CNTNAP2: variants seen among roughly 807,000 people sequenced by gnomAD.
The protein encoded by CNTNAP2 is contactin-associated protein-like 2.
Under a neutral mutation model 155.2 loss-of-function variants are expected in CNTNAP2, and 98 were observed. The ratio of observed to expected loss-of-function variants is 0.63; its 90% CI spans 0.54 to 0.75. The LOEUF is 0.75. CNTNAP2 is among the 30% of genes least tolerant of loss of function. The pLI, the probability that CNTNAP2 is intolerant of heterozygous loss-of-function variation, is 0.00. For synonymous variants in CNTNAP2, 651 were observed against 631.2 expected, an observed-to-expected ratio of 1.03 and a Z score of -0.47; for missense variants, 1,727 against 1,688.1, an observed-to-expected ratio of 1.02 and a Z score of -0.40.
intron 1 of CNTNAP2, among the ~76,000 whole-genome samples, chr7:146,756,296 C>T (rs1325720837): frequency 6.6e-6 from 1 of 151,860 alleles, no homozygotes; most frequent in Non-Finnish European, 1.5e-5. Context: ...GTAAAAGCAA[C>T]TAATACTGGC....
In CNTNAP2 at chr7:147,221,137, TA is replaced by T. The variant is rs34601254; in HGVS notation, c.1349-78995del. On this transcript the variant is annotated intron_variant, in intron 8 of 23. Transcript: ENST00000361727. ...CATGGGTAGTGTGAGTAACTTATAA[TA>T]AAAAAAAACTCTTAATTTCTTCCTC... Among the ~76,000 whole-genome samples the T allele has an allele frequency of 6.0e-5, 9 of 151,150 alleles. No homozygotes were observed. The East Asian group carries it at 1.5e-3, about 26-fold the overall frequency.
chr7:148,074,842 T>C (rs1158825969), intron 15 of CNTNAP2, among the ~76,000 whole-genome samples: 1 of 152,238 alleles, frequency 6.6e-6, no homozygotes, highest in Non-Finnish European at 1.5e-5. Context: ...TAGATGATGT[T>C]CTGCCATGAT....
chr7:146,619,852 G>A (rs912409268), intron 1 of CNTNAP2, among the ~76,000 whole-genome samples: 3 of 151,956 alleles, frequency 2.0e-5, no homozygotes, highest in Non-Finnish European at 2.9e-5. Flanking sequence ...TTGAGTATTC[G>A]AATACTATGT....
intron 13 of CNTNAP2, among the ~76,000 whole-genome samples, chr7:147,725,796 A>G (rs1175562471): frequency 1.3e-5 from 2 of 152,040 alleles, no homozygotes; most frequent in Non-Finnish European, 2.9e-5. Flanking sequence ...TGCTTCTACC[A>G]CAAACCAGTT....
intron 8 of CNTNAP2, among the ~76,000 whole-genome samples, chr7:147,186,146 T>C (rs1033447119): frequency 3.3e-5 from 5 of 152,152 alleles, no homozygotes; most frequent in Non-Finnish European, 7.4e-5. Context: ...GAATAGTTAT[T>C]CTGGGTGAAA....
intron 15 of CNTNAP2, among the ~76,000 whole-genome samples, chr7:148,067,324 G>C (rs1012926215): frequency 1.3e-4 from 20 of 152,172 alleles, no homozygotes; most frequent in African/African-American, 4.8e-4. Context: ...CCTTTCCCTA[G>C]GGATGGGGCT....
intron 1 of CNTNAP2, among the ~76,000 whole-genome samples, chr7:146,620,800 C>T (rs992491376): frequency 6.6e-6 from 1 of 152,088 alleles, no homozygotes; most frequent in Non-Finnish European, 1.5e-5. Context: ...TATGTGTGCT[C>T]ACCCCCTCCA....
chr7:146,375,641 G>T (rs1451731714), intron 1 of CNTNAP2, among the ~76,000 whole-genome samples: 2 of 151,940 alleles, frequency 1.3e-5, no homozygotes, highest in Non-Finnish European at 2.9e-5. Flanking sequence ...TGTGAGATTT[G>T]AGGCATGTTT....
At chr7:146,172,015 T>TA (rs1798398443) in intron 1 of CNTNAP2, among the ~76,000 whole-genome samples, 1 of 148,836 alleles carries the variant, frequency 6.7e-6, no homozygotes, top group Admixed American at 6.7e-5. Flanking sequence ...TACAAATTCT[T>TA]AAAAAATGCT....
At chr7:146,650,547 G>GT (rs1037419937) in intron 1 of CNTNAP2, among the ~76,000 whole-genome samples, 12 of 152,088 alleles carry the variant, frequency 7.9e-5, no homozygotes, top group African/African-American at 2.9e-4. Context: ...CTGTTGCGGG[G>GT]TGGGGGGCTA....
At chr7:147,976,584 T>C (rs989299512) in intron 14 of CNTNAP2, among the ~76,000 whole-genome samples, 1 of 152,208 alleles carries the variant, frequency 6.6e-6, no homozygotes, top group Non-Finnish European at 1.5e-5. Context: ...AGGCAGTATA[T>C]AATGCATTTA....
intron 13 of CNTNAP2, among the ~76,000 whole-genome samples, chr7:147,892,566 C>T (rs1471210449): frequency 2.0e-5 from 3 of 152,112 alleles, no homozygotes; most frequent in African/African-American, 7.2e-5. Context: ...CTCAGAATTA[C>T]AAACTCCCAT....
intron 4 of CNTNAP2, among the ~76,000 whole-genome samples, chr7:147,092,248 T>C (rs918922884): frequency 3.3e-5 from 5 of 152,310 alleles, no homozygotes; most frequent in South Asian, 2.1e-4. Flanking sequence ...CTCAAAAATG[T>C]TTTTCTAAAA....
intron 13 of CNTNAP2, among the ~76,000 whole-genome samples, chr7:147,860,282 G>A (rs1359108916): frequency 1.3e-5 from 2 of 152,086 alleles, no homozygotes; most frequent in African/African-American, 2.4e-5. Flanking sequence ...AAAATTAGCT[G>A]GGCACGGTGG....
At chr7:147,639,822 T>G (rs183804452) in intron 13 of CNTNAP2, among the ~76,000 whole-genome samples, 3 of 152,288 alleles carry the variant, frequency 2.0e-5, no homozygotes, top group Admixed American at 2.0e-4. Context: ...CATGTGCTAG[T>G]GTGTGTGTGA....
At chr7:148,292,689 C>G (rs1031594297) in intron 21 of CNTNAP2, among the ~76,000 whole-genome samples, 1 of 152,166 alleles carries the variant, frequency 6.6e-6, no homozygotes, top group Non-Finnish European at 1.5e-5. Context: ...GAGATTCGGT[C>G]TCACCTAAAG....
intron 3 of CNTNAP2, among the ~76,000 whole-genome samples, chr7:146,913,742 T>C (rs1348566189): frequency 1.3e-5 from 2 of 151,886 alleles, no homozygotes; most frequent in African/African-American, 4.8e-5. Flanking sequence ...ATAAGTGGGG[T>C]ATCAACATAT....
At chr7:146,991,040 T>TAGGATATA (rs1798199859) in intron 3 of CNTNAP2, among the ~76,000 whole-genome samples, 2 of 152,082 alleles carry the variant, frequency 1.3e-5, no homozygotes, top group South Asian at 4.2e-4. Context: ...CAGTGCCTAC[T>TAGGATATA]GGTTTCAGTT....
At chr7:147,736,933 T>C (rs533243484) in intron 13 of CNTNAP2, among the ~76,000 whole-genome samples, 3 of 152,304 alleles carry the variant, frequency 2.0e-5, no homozygotes, top group East Asian at 1.9e-4. Flanking sequence ...CAAATCTTTG[T>C]TCAAGATTTT....
Sources: allele counts gnomAD v4.1 joint callset (sites outside exome capture counted in the v4.1 genomes callset), GRCh38; gene constraint gnomAD v4.1.1; transcripts MANE v1.5; gene names NCBI Gene and HGNC (gene_info 2026-07-23, HGNC 2026-07-21).